The following TMEM132D variants were observed in gnomAD, a reference collection of about 807,000 sequenced individuals.
The protein encoded by TMEM132D is transmembrane protein 132D.
Under a neutral mutation model 62.3 loss-of-function variants are expected in TMEM132D, and 21 were observed. The observed-to-expected ratio is 0.34, with a 90% CI of 0.24 to 0.49. The LOEUF is 0.49. TMEM132D is among the 20% of genes least tolerant of loss of function. The pLI, the probability that TMEM132D is intolerant of heterozygous loss-of-function variation, is 0.99. For synonymous variants in TMEM132D, 621 were observed against 575.6 expected, an observed-to-expected ratio of 1.08 and a Z score of -1.13; for missense variants, 1,346 against 1,402.8, an observed-to-expected ratio of 0.96 and a Z score of 0.65.
At chr12:129,124,541 C>A (rs1876156965) in intron 5 of TMEM132D, among the ~76,000 whole-genome samples, 1 of 152,142 alleles carries the variant, frequency 6.6e-6, no homozygotes, top group African/African-American at 2.4e-5. Context: ...TTTGCTCATC[C>A]TAGAACTTCA....
At chr12:129,515,946 G>T (rs978712097) in intron 3 of TMEM132D, among the ~76,000 whole-genome samples, 5 of 152,022 alleles carry the variant, frequency 3.3e-5, no homozygotes, top group African/African-American at 1.2e-4. Flanking sequence ...TTTTCATAGG[G>T]GTGTCAGCCA....
chr12:129,630,814 C>T (rs1318892300), intron 2 of TMEM132D, among the ~76,000 whole-genome samples: 1 of 151,978 alleles, frequency 6.6e-6, no homozygotes, highest in African/African-American at 2.4e-5. Context: ...AGGTACTAAG[C>T]CTAGTACCCA....
intron 3 of TMEM132D, among the ~76,000 whole-genome samples, chr12:129,375,699 C>G (rs182400983): frequency 6.6e-6 from 1 of 152,206 alleles, no homozygotes; most frequent in Admixed American, 6.5e-5. Flanking sequence ...GAACATACAG[C>G]AAATATATAC....
At chr12:129,849,547 A>C (rs1473466362) in intron 1 of TMEM132D, among the ~76,000 whole-genome samples, 3 of 152,220 alleles carry the variant, frequency 2.0e-5, no homozygotes, top group Admixed American at 6.5e-5. Context: ...TTTATACCAC[A>C]TAATTACTAA....
chr12:129,567,501 C>CAT (rs1383887450), intron 2 of TMEM132D, among the ~76,000 whole-genome samples: 8 of 152,036 alleles, frequency 5.3e-5, no homozygotes, highest in African/African-American at 1.7e-4. Context: ...TTTCCAACTA[C>CAT]ATATATATAT....
At chr12:129,079,153 CG>C (rs1565956457) in intron 7 of TMEM132D, among the ~76,000 whole-genome samples, 2 of 152,000 alleles carry the variant, frequency 1.3e-5, no homozygotes, top group African/African-American at 4.8e-5. Flanking sequence ...CAGTGAATGA[CG>C]GGTTGGGTGT....
intron 4 of TMEM132D, among the ~76,000 whole-genome samples, chr12:129,323,812 C>T (rs945314511): frequency 7.9e-5 from 12 of 152,074 alleles, no homozygotes; most frequent in African/African-American, 1.9e-4. Context: ...TGTCTAGCCA[C>T]GTGTGTTTCA....
intron 1 of TMEM132D, among the ~76,000 whole-genome samples, chr12:129,713,416 T>A (rs1240788559): frequency 6.6e-6 from 1 of 152,000 alleles, no homozygotes; most frequent in Non-Finnish European, 1.5e-5. Flanking sequence ...TTTTTTTTTT[T>A]AATAAAAATT....
intron 2 of TMEM132D, among the ~76,000 whole-genome samples, chr12:129,639,118 C>T (rs949044409): frequency 3.9e-5 from 6 of 152,072 alleles, no homozygotes; most frequent in African/African-American, 1.2e-4. Context: ...CATGGTTGCT[C>T]ACACCTGTAA....
intron 3 of TMEM132D, among the ~76,000 whole-genome samples, chr12:129,354,616 CCA>C (rs1869979439): frequency 6.6e-6 from 1 of 152,230 alleles, no homozygotes; most frequent in African/African-American, 2.4e-5. Flanking sequence ...GCCACTGCGC[CCA>C]GTCTTTATTG....
Position 129,438,986 on chromosome 12 carries a change from T to C in TMEM132D, c.1115+92073A>G, listed in dbSNP as rs1448019380. ...TCTCTGCAGGATCACTTTGGCCATCTCTGCTGTCCGTGATCTTCTCATTCT... is the reference window on the plus strand; with the variant it reads ...TCTCTGCAGGATCACTTTGGCCATCCCTGCTGTCCGTGATCTTCTCATTCT... On this transcript the variant is annotated intron_variant, in intron 3 of 8. Coordinates refer to ENST00000422113, the MANE Select transcript of TMEM132D (RefSeq NM_133448.3). Among the ~76,000 whole-genome samples, 3 of 152,342 alleles carry C rather than the reference T, an allele frequency of 2.0e-5. No individual in the cohort carries two copies. In the East Asian group the frequency reaches 5.8e-4, roughly 29 times the overall value.
intron 5 of TMEM132D, among the ~76,000 whole-genome samples, chr12:129,201,500 C>T (rs551512381): frequency 6.6e-6 from 1 of 152,152 alleles, no homozygotes; most frequent in East Asian, 1.9e-4. Context: ...AGTTCATGTG[C>T]TTTGAGATGA....
chr12:129,401,247 C>A (rs1377128601), intron 3 of TMEM132D, among the ~76,000 whole-genome samples: 2 of 152,198 alleles, frequency 1.3e-5, no homozygotes, highest in East Asian at 1.9e-4. Context: ...ACAGGACCAC[C>A]CCATATGCCA....
intron 5 of TMEM132D, among the ~76,000 whole-genome samples, chr12:129,126,272 A>C (rs1206528514): frequency 1.3e-5 from 2 of 152,050 alleles, no homozygotes; most frequent in African/African-American, 4.8e-5. Context: ...TCTGTCTCAG[A>C]AGCATTACAC....
intron 3 of TMEM132D, among the ~76,000 whole-genome samples, chr12:129,514,451 A>C (rs2137076368): frequency 6.6e-6 from 1 of 152,320 alleles, no homozygotes; most frequent in African/African-American, 2.4e-5. Flanking sequence ...TTATGGTCTG[A>C]GTTTTGACAT....
chr12:129,480,987 A>G (rs1429190405), intron 3 of TMEM132D, among the ~76,000 whole-genome samples: 1 of 152,094 alleles, frequency 6.6e-6, no homozygotes, highest in Non-Finnish European at 1.5e-5. Context: ...GATGAACACT[A>G]TGGGATACTA....
At chr12:129,840,620 CG>C (rs1427979460) in intron 1 of TMEM132D, 2 of 152,188 alleles carry the variant, frequency 1.3e-5, no homozygotes, top group Admixed American at 1.3e-4. Context: ...AAGCCCAGGG[CG>C]GGGGCTGCGC....
intron 4 of TMEM132D, among the ~76,000 whole-genome samples, chr12:129,331,499 T>C (rs1467141147): frequency 1.3e-5 from 2 of 152,198 alleles, no homozygotes; most frequent in Non-Finnish European, 2.9e-5. Context: ...TGGTCATAGC[T>C]GAGACCCAAA....
chr12:129,310,964 C>CAGAAAGT (rs1555246598), intron 4 of TMEM132D, among the ~76,000 whole-genome samples: 1 of 141,258 alleles, frequency 7.1e-6, no homozygotes, highest in African/African-American at 2.8e-5. Flanking sequence ...AGGAACAGGC[C>CAGAAAGT]GAGGCAGGCG....
Sources: gnomAD v4.1 joint callset for allele counts (sites outside exome capture counted in the v4.1 genomes callset) on GRCh38, gnomAD v4.1.1 for gene constraint, MANE v1.5 for transcripts, NCBI Gene and HGNC (gene_info 2026-07-23, HGNC 2026-07-21) for gene names.